CADM2: variants seen among roughly 807,000 people sequenced by gnomAD.
CADM2 encodes immunoglobulin superfamily member 4D.
A neutral mutation model predicts 49.8 loss-of-function variants in CADM2; 12 were observed. That is an observed-to-expected ratio of 0.24 (90% CI 0.15 to 0.39). The LOEUF (loss-of-function observed/expected upper bound fraction) is 0.39, where lower values mean the gene tolerates loss of function less well. Among genes scored for constraint, CADM2 ranks in the 10% least tolerant of loss-of-function variants. The pLI, the probability that CADM2 is intolerant of heterozygous loss-of-function variation, is 1.00. For missense variants in CADM2, 378 were observed against 492.3 expected (o/e 0.77, Z 2.20); for synonymous variants, 214 against 175.4 (o/e 1.22, Z -1.74).
At chr3:85,003,774 A>G (rs546783893) in intron 1 of CADM2, among the ~76,000 whole-genome samples, 1 of 152,096 alleles carries the variant, frequency 6.6e-6, no homozygotes, top group Non-Finnish European at 1.5e-5. Context: ...GATAATGAAA[A>G]CCCTATTTTT....
At chr3:85,447,868 A>G (rs964191387) in intron 1 of CADM2, among the ~76,000 whole-genome samples, 1 of 152,188 alleles carries the variant, frequency 6.6e-6, no homozygotes, top group Non-Finnish European at 1.5e-5. Context: ...GTGTTAGCCA[A>G]TGTTTTTGAC....
At chr3:85,958,064 A>C (rs574777366) in intron 7 of CADM2, among the ~76,000 whole-genome samples, 1 of 152,132 alleles carries the variant, frequency 6.6e-6, no homozygotes, top group African/African-American at 2.4e-5. Flanking sequence ...AAGGTCTAAT[A>C]TTTAGAATCT....
intron 1 of CADM2, among the ~76,000 whole-genome samples, chr3:85,121,386 A>G (rs2107591757): frequency 6.6e-6 from 1 of 152,340 alleles, no homozygotes; most frequent in African/African-American, 2.4e-5. Context: ...ATTATTACAT[A>G]TTCCTGTATG....
chr3:85,428,212 A>G (rs917840696), intron 1 of CADM2, among the ~76,000 whole-genome samples: 1 of 151,068 alleles, frequency 6.6e-6, no homozygotes, highest in East Asian at 1.9e-4. Flanking sequence ...GTAAAAAAAA[A>G]AGGCACAGAG....
chr3:85,975,806 A>G (rs894973724), intron 8 of CADM2, among the ~76,000 whole-genome samples: 1 of 151,598 alleles, frequency 6.6e-6, no homozygotes, highest in East Asian at 2.0e-4. Flanking sequence ...TGAAATATAC[A>G]AATTGAGCTG....
Position 85,701,907 on chromosome 3 carries a change from A to AGATG in CADM2, c.62-24612_62-24611insGGAT, listed in dbSNP as rs1262370353. ...TAGATAGATAGATAGATAGATAGAT[A>AGATG]GATATAAAGAAAAAGGAAGAAAGAA... is the stretch of plus-strand genomic sequence containing the variant. On this transcript the variant is annotated intron_variant, in intron 1 of 9. Coordinates refer to ENST00000383699, the MANE Select transcript of CADM2 (RefSeq NM_001167675.2). 4.9e-5 allele frequency among the ~76,000 whole-genome samples: 7 copies of AGATG among 143,566 alleles called. No individual in the cohort carries two copies. In the East Asian group the frequency reaches 1.4e-3, roughly 29 times the overall value. 94.2% of individuals were successfully genotyped at this position (143,566 alleles called of 152,430 possible).
intron 1 of CADM2, among the ~76,000 whole-genome samples, chr3:85,692,513 T>C (rs1439788015): frequency 6.6e-6 from 1 of 152,224 alleles, no homozygotes; most frequent in African/African-American, 2.4e-5. Flanking sequence ...GAGCATGTTA[T>C]AATTTTTAGG....
chr3:85,805,042 G>C (rs2072317590), intron 3 of CADM2, among the ~76,000 whole-genome samples: 1 of 152,102 alleles, frequency 6.6e-6, no homozygotes, highest in African/African-American at 2.4e-5. Context: ...CTCGGCTCCA[G>C]CAATTCTCCT....
chr3:85,102,348 T>C (rs1415292515), intron 1 of CADM2, among the ~76,000 whole-genome samples: 1 of 152,210 alleles, frequency 6.6e-6, no homozygotes, highest in Non-Finnish European at 1.5e-5. Context: ...AAATAATTGA[T>C]GAAGCATTTA....
chr3:85,737,922 C>A (rs946692257), intron 2 of CADM2, among the ~76,000 whole-genome samples: 2 of 152,230 alleles, frequency 1.3e-5, no homozygotes, highest in South Asian at 4.1e-4. Context: ...ACCAGCAGAA[C>A]AGGATTTCAA....
chr3:85,619,157 TAA>T, intron 1 of CADM2, among the ~76,000 whole-genome samples: 1 of 152,204 alleles, frequency 6.6e-6, no homozygotes, highest in South Asian at 2.1e-4. Flanking sequence ...TTGGACACTG[TAA>T]CTGTGGACTC....
chr3:85,134,987 A>C (rs2039370506), intron 1 of CADM2, among the ~76,000 whole-genome samples: 1 of 152,010 alleles, frequency 6.6e-6, no homozygotes, highest in African/African-American at 2.4e-5. Flanking sequence ...GTTATAAGTT[A>C]ATGTAATTCA....
chr3:84,994,869 A>T (rs2033090366), intron 1 of CADM2, among the ~76,000 whole-genome samples: 1 of 152,050 alleles, frequency 6.6e-6, no homozygotes. Context: ...TCTACTAAAA[A>T]TACAAAAAAT....
chr3:85,503,849 T>C lies in CADM2; in HGVS notation c.62-222673T>C, dbSNP rs150011018. ...TTGCTGAGTGAATTTTACAAACCTA[T>C]AGTCTTTTCTGCATTTCATTAATTC... On this transcript the variant is annotated intron_variant, in intron 1 of 9. Transcript: ENST00000383699. Among the ~76,000 whole-genome samples, 29 of 152,348 alleles carry C rather than the reference T, an allele frequency of 1.9e-4. No individual in the cohort carries two copies. The East Asian group carries it at 5.4e-3, about 28-fold the overall frequency.
intron 1 of CADM2, among the ~76,000 whole-genome samples, chr3:85,423,519 C>A (rs943266657): frequency 6.6e-6 from 1 of 152,038 alleles, no homozygotes; most frequent in South Asian, 2.1e-4. Flanking sequence ...GATTGGCCTA[C>A]GAATAATAAT....
intron 1 of CADM2, among the ~76,000 whole-genome samples, chr3:85,626,084 C>G (rs1469862181): frequency 6.6e-6 from 1 of 151,820 alleles, no homozygotes; most frequent in Non-Finnish European, 1.5e-5. Flanking sequence ...TTAACAGGCA[C>G]TTAGAAATTA....
chr3:85,163,108 A>G (rs1422855014), intron 1 of CADM2, among the ~76,000 whole-genome samples: 1 of 152,084 alleles, frequency 6.6e-6, no homozygotes, highest in African/African-American at 2.4e-5. Flanking sequence ...ATGTTATTAC[A>G]TGTCATATTC....
chr3:85,293,425 C>G (rs1175770584), intron 1 of CADM2, among the ~76,000 whole-genome samples: 1 of 141,574 alleles, frequency 7.1e-6, no homozygotes, highest in Non-Finnish European at 1.5e-5. Context: ...GGCATCCTCC[C>G]TAACTCATTT....
intron 1 of CADM2, among the ~76,000 whole-genome samples, chr3:85,440,539 A>T (rs1013762477): frequency 6.6e-6 from 1 of 152,178 alleles, no homozygotes; most frequent in Non-Finnish European, 1.5e-5. Context: ...CCATTGAAAC[A>T]TTGCGACCTT....
Sources: allele counts gnomAD v4.1 joint callset (sites outside exome capture counted in the v4.1 genomes callset), GRCh38; gene constraint gnomAD v4.1.1; transcripts MANE v1.5; gene names NCBI Gene and HGNC (gene_info 2026-07-23, HGNC 2026-07-21).